NAA25: variants seen among roughly 807,000 people sequenced by gnomAD.
NAA25 encodes the protein N-alpha-acetyltransferase 25, NatB auxiliary subunit, also known as N-terminal acetyltransferase B complex subunit NAA25.
NAA25 carries 30 observed loss-of-function variants against 132.5 expected under a neutral mutation model. That is an observed-to-expected ratio of 0.23 (90% CI 0.17 to 0.31). The LOEUF (loss-of-function observed/expected upper bound fraction) is 0.31. NAA25 is among the 10% of genes least tolerant of loss of function. The probability of loss-of-function intolerance (pLI) is 1.00; values close to 1 mark genes in which losing one functional copy is unlikely to be tolerated. For synonymous variants in NAA25, 359 were observed against 401.9 expected, an observed-to-expected ratio of 0.89 and a Z score of 1.28; for missense variants, 771 against 1,150.4, an observed-to-expected ratio of 0.67 and a Z score of 4.77.
In NAA25 at chr12:112,047,781, A is replaced by G. The variant is rs1283320346; in HGVS notation, c.1890T>C (p.Ser630=). The change falls in exon 17 of 24, where the codon AGT becomes AGC. Residue 630 remains serine, a synonymous_variant. Transcript: ENST00000261745. ...TCATTGACTTTATACTTTCTGCTAA[A>G]CTGGTTGATCTGTGATAGAGAAAAA... ...DLLLEANIST[S]LAESIKSMNL... The G allele has an allele frequency of 5.6e-6, 9 of 1,606,830 alleles. No homozygotes were observed. The highest frequency in any genetic ancestry group is 1.3e-5 in the African/African-American group (1 of 74,484).
chr12:112,090,093 A>G (rs1361748432), intron 3 of NAA25, among the ~76,000 whole-genome samples: 1 of 151,976 alleles, frequency 6.6e-6, no homozygotes, highest in Non-Finnish European at 1.5e-5. Context: ...GGCCATCCAA[A>G]GTGCTGGGAT....
Position 112,071,947 on chromosome 12 carries a change from C to T in NAA25, c.984G>A (p.Leu328=). ...RHLRGPHLAK[L]ELIRRLRSQG... The stretch of plus-strand genomic sequence containing the variant: ...GACTTCGTAAACGCCTAATCAGCTC[C>T]AATTTAGCTAGATGTGGTCCTCGGA... Residue 328 remains leucine (L), a synonymous_variant, in exon 10 of 24, where the codon TTG becomes TTA. Coordinates refer to ENST00000261745, the MANE Select transcript of NAA25 (RefSeq NM_024953.4). 1 of 1,614,040 alleles carries T rather than the reference C, an allele frequency of 6.2e-7. No individual in the cohort carries two copies. The highest frequency in any genetic ancestry group is 1.1e-5 in the South Asian group (1 of 91,064).
At chr12:112,086,039 A>T (rs1241530395) in intron 4 of NAA25, among the ~76,000 whole-genome samples, 47 of 78,816 alleles carry the variant, frequency 6.0e-4, no homozygotes, top group African/African-American at 2.2e-3. Context: ...AAAAAAAAAA[A>T]AAAAAAAAAA....
chr12:112,054,619 T>C, intron 13 of NAA25, 51 bp from the exon 14 acceptor site: 2 of 1,534,296 alleles, frequency 1.3e-6, no homozygotes, highest in Non-Finnish European at 1.8e-6. Flanking sequence ...AAATGAAAGC[T>C]TCCCAAAAAC....
intron 11 of NAA25, among the ~76,000 whole-genome samples, chr12:112,066,072 G>A (rs2078713976): frequency 6.6e-6 from 1 of 152,118 alleles, no homozygotes; most frequent in Non-Finnish European, 1.5e-5. Flanking sequence ...ATTCCAGTAA[G>A]GGTCATCTGA....
At chr12:112,093,385 C>T (rs970520619) in intron 1 of NAA25, among the ~76,000 whole-genome samples, 1 of 151,514 alleles carries the variant, frequency 6.6e-6, no homozygotes, top group African/African-American at 2.4e-5. Context: ...ACTAAAACTA[C>T]AAAAATTAGC....
chr12:112,066,246 A>G (rs1243682826), intron 11 of NAA25, among the ~76,000 whole-genome samples: 2 of 152,128 alleles, frequency 1.3e-5, no homozygotes, highest in Non-Finnish European at 2.9e-5. Context: ...ATGCACCCCC[A>G]CCATTTGATG....
At chr12:112,056,739 T>G (rs76609627) in intron 13 of NAA25, among the ~76,000 whole-genome samples, 1 of 152,316 alleles carries the variant, frequency 6.6e-6, no homozygotes, top group African/African-American at 2.4e-5. Flanking sequence ...TATCACTGAC[T>G]TCAAGAAGCC....
At chr12:112,073,464 T>G (rs2078845438) in intron 9 of NAA25, among the ~76,000 whole-genome samples, 1 of 151,986 alleles carries the variant, frequency 6.6e-6, no homozygotes, top group East Asian at 1.9e-4. Context: ...TGAGAGGGAG[T>G]CTTGCTCTGT....
chr12:112,060,410 G>T, intron 12 of NAA25, 51 bp from the exon 13 acceptor site: 1 of 1,248,064 alleles, frequency 8.0e-7, no homozygotes, highest in South Asian at 1.3e-5. Flanking sequence ...AACTATTACT[G>T]ACCCCAAAGG....
At chr12:112,098,686 G>A (rs1410067194) in intron 1 of NAA25, among the ~76,000 whole-genome samples, 4 of 152,142 alleles carry the variant, frequency 2.6e-5, no homozygotes, top group Non-Finnish European at 5.9e-5. Context: ...CCAAAGCACG[G>A]GTGAGTGCCA....
rs765201765 is a variant in NAA25 at position 112,087,786 on chromosome 12, T to G, written c.299A>C (p.Lys100Thr). 3.7e-6 allele frequency: 6 copies of G among 1,609,644 alleles called. No homozygotes were observed. The African/African-American group carries it at 6.7e-5, about 18-fold the overall frequency. Residue 100 changes from lysine (K) to threonine (T), a missense_variant, in exon 4 of 24, where the codon AAA (lysine) becomes ACA (threonine). Lys to Thr is a moderately conservative substitution (Grantham distance 78). This residue lies in a region of NAA25 where 417 missense variants were observed against 733.8 expected (regional missense o/e 0.57). Coordinates refer to ENST00000261745, the MANE Select transcript of NAA25 (RefSeq NM_024953.4). ...TTTCTTCACAGCTGCCTCATAAAGT[T>G]TTGTAACTAACTCCGCTAAGATAAA... ...REMHRPELVT[K>T]LYEAAVKKVP...
rs372092392 is a variant in NAA25 at position 112,099,940 on chromosome 12, C to T, written c.59-6804G>A. On this transcript the variant is annotated intron_variant, in intron 1 of 23. Coordinates refer to ENST00000261745, the MANE Select transcript of NAA25 (RefSeq NM_024953.4). ...AAGATATTGCCACAACTTATAAAAA[C>T]GCTAAATAGAAGAGAGCTCCATCTT... Among the ~76,000 whole-genome samples, 21 of 152,292 alleles carry T rather than the reference C, an allele frequency of 1.4e-4. No homozygotes were observed. The South Asian group carries it at 3.9e-3, about 29-fold the overall frequency.
At chr12:112,041,728 T>G (rs749695993) in intron 20 of NAA25, among the ~76,000 whole-genome samples, 7 of 152,132 alleles carry the variant, frequency 4.6e-5, no homozygotes, top group African/African-American at 9.7e-5. Flanking sequence ...AATACAATAC[T>G]ATAGAATATT....
chr12:112,030,719 C>A (rs1239031556), intron 23 of NAA25, among the ~76,000 whole-genome samples: 1 of 152,146 alleles, frequency 6.6e-6, no homozygotes, highest in African/African-American at 2.4e-5. Flanking sequence ...TCTGACCCAA[C>A]AATACTAGTA....
intron 11 of NAA25, among the ~76,000 whole-genome samples, chr12:112,063,579 G>C (rs2078669449): frequency 6.6e-6 from 1 of 152,126 alleles, no homozygotes; most frequent in African/African-American, 2.4e-5. Flanking sequence ...GTAGCAAACA[G>C]GCATTTTGGA....
At chr12:112,050,667 C>T (rs945621767) in intron 15 of NAA25, among the ~76,000 whole-genome samples, 5 of 151,518 alleles carry the variant, frequency 3.3e-5, no homozygotes, top group African/African-American at 9.7e-5. Context: ...TACAGGCGCT[C>T]GCCAACACAC....
rs769207097 is a variant in NAA25 at position 112,087,713 on chromosome 12, G to A, written c.372C>T (p.Ala124=). 1.2e-6 allele frequency: 2 copies of A among 1,613,900 alleles called. No individual in the cohort carries two copies. The highest frequency in any genetic ancestry group is 1.7e-6 in the Non-Finnish European group (2 of 1,179,776). ...EYHSHLFMAY[A]RVGEYKKMQQ... The stretch of plus-strand genomic sequence containing the variant: ...GCATTTTCTTGTATTCACCCACTCT[G>A]GCATAGGCCATGAAGAGGTGAGAGT... The change falls in exon 4 of 24, where the codon GCC becomes GCT. Residue 124 remains alanine (A), a synonymous_variant. Coordinates refer to ENST00000261745, the MANE Select transcript of NAA25 (RefSeq NM_024953.4).
intron 17 of NAA25, among the ~76,000 whole-genome samples, chr12:112,044,953 T>A (rs1301327215): frequency 6.7e-6 from 1 of 149,624 alleles, no homozygotes; most frequent in Admixed American, 6.7e-5. Flanking sequence ...CTAGGGAGGC[T>A]GAGATTGGAG....
Sources: gnomAD v4.1 joint callset for allele counts (sites outside exome capture counted in the v4.1 genomes callset) on GRCh38, gnomAD v4.1.1 for gene constraint, gnomAD v4.1.1 regional missense constraint, MANE v1.5 for transcripts, NCBI Gene and HGNC (gene_info 2026-07-23, HGNC 2026-07-21) for gene names.